WDFY4: variants seen among roughly 807,000 people sequenced by gnomAD.
WDFY4 encodes the protein WDFY family member 4, also known as WD repeat- and FYVE domain-containing protein 4.
In WDFY4, 169 loss-of-function variants were observed where a neutral mutation model predicts 351.9. That is an observed-to-expected ratio of 0.48 (90% confidence interval 0.42 to 0.55). The LOEUF (loss-of-function observed/expected upper bound fraction) is 0.55, where lower values mean the gene tolerates loss of function less well. Ranked by LOEUF, WDFY4 falls within the 20% of genes least tolerant of loss-of-function variation. The pLI is 0.00. For missense variants in WDFY4, 3,803 were observed against 3,935.6 expected (o/e 0.97, Z 0.90); for synonymous variants, 1,622 against 1,574.6 (o/e 1.03, Z -0.71).
chr10:48,921,178 G>T (rs1352102973), intron 47 of WDFY4, among the ~76,000 whole-genome samples: 1 of 152,106 alleles, frequency 6.6e-6, no homozygotes. Context: ...TTTTGAAAAA[G>T]AATAATAGAG....
intron 58 of WDFY4, among the ~76,000 whole-genome samples, chr10:48,975,340 G>A (rs1225482233): frequency 3.3e-5 from 5 of 152,176 alleles, no homozygotes; most frequent in African/African-American, 1.2e-4. Flanking sequence ...GTTGGATGTG[G>A]CTGACTCATT....
chr10:48,941,245 C>T (rs945077948), intron 47 of WDFY4, among the ~76,000 whole-genome samples: 25 of 152,104 alleles, frequency 1.6e-4, no homozygotes, highest in South Asian at 1.2e-3. Flanking sequence ...ACCGGGTGTA[C>T]GATGTGATCC....
At chr10:48,757,506 A>T (rs745323926) in intron 12 of WDFY4, among the ~76,000 whole-genome samples, 22 of 152,052 alleles carry the variant, frequency 1.4e-4, no homozygotes, top group Non-Finnish European at 2.6e-4. Context: ...TATCTATATC[A>T]CAATATTTAA....
intron 47 of WDFY4, among the ~76,000 whole-genome samples, chr10:48,940,229 G>A (rs1840682176): frequency 6.6e-6 from 1 of 152,254 alleles, no homozygotes; most frequent in African/African-American, 2.4e-5. Flanking sequence ...CGCAGACACA[G>A]CAGGAGAACC....
intron 27 of WDFY4, among the ~76,000 whole-genome samples, chr10:48,807,015 G>A (rs543167791): frequency 1.1e-4 from 17 of 152,230 alleles, no homozygotes; most frequent in African/African-American, 3.4e-4. Context: ...AGATCAAGCC[G>A]CAAGAAATTA....
At position 48,788,689 on chromosome 10, in the gene WDFY4, C is replaced by T; in HGVS notation, c.3954+14C>T. 1 of 1,551,040 alleles carries T rather than the reference C, an allele frequency of 6.4e-7. No homozygotes were observed. The highest frequency in any genetic ancestry group is 2.4e-5 in the East Asian group (1 of 40,912). ...ATCGCCAAAGAGGTACATCTTCTAA[C>T]TTCGCTGCTAATCTCTGTTGGAATC... On this transcript the variant is annotated intron_variant, in intron 21 of 61. Coordinates refer to ENST00000325239, the MANE Select transcript of WDFY4 (RefSeq NM_001394531.1).
chr10:48,807,635 G>A (rs1441442711), intron 27 of WDFY4, among the ~76,000 whole-genome samples: 1 of 152,178 alleles, frequency 6.6e-6, no homozygotes, highest in Non-Finnish European at 1.5e-5. Flanking sequence ...TTTGGAAGAT[G>A]TGCAGCATTG....
chr10:48,856,742 T>C (rs1346804096), intron 39 of WDFY4, among the ~76,000 whole-genome samples: 1 of 152,196 alleles, frequency 6.6e-6, no homozygotes, highest in East Asian at 1.9e-4. Flanking sequence ...TTTTGTAACA[T>C]GCATTAGAAC....
chr10:48,915,631 C>A (rs1233436684), intron 47 of WDFY4, among the ~76,000 whole-genome samples: 1 of 152,074 alleles, frequency 6.6e-6, no homozygotes. Flanking sequence ...GTATGTTTTC[C>A]TCACCCAGTG....
chr10:48,917,136 T>C (rs187833962), intron 47 of WDFY4, among the ~76,000 whole-genome samples: 2 of 152,316 alleles, frequency 1.3e-5, no homozygotes, highest in East Asian at 3.9e-4. Context: ...CCTAGGTCTA[T>C]AGTAGGCTAT....
At chr10:48,920,622 CT>C (rs1838986903) in intron 47 of WDFY4, among the ~76,000 whole-genome samples, 1 of 152,186 alleles carries the variant, frequency 6.6e-6, no homozygotes, top group Non-Finnish European at 1.5e-5. Context: ...AGAGAGCACA[CT>C]TTCACTATGT....
At chr10:48,729,833 A>C (rs1400646757) in intron 8 of WDFY4, among the ~76,000 whole-genome samples, 1 of 152,146 alleles carries the variant, frequency 6.6e-6, no homozygotes, top group Admixed American at 6.5e-5. Context: ...CCCTGGGGTG[A>C]TTTACTCTGC....
chr10:48,907,423 A>G (rs1281892326), intron 47 of WDFY4, among the ~76,000 whole-genome samples: 2 of 152,228 alleles, frequency 1.3e-5, no homozygotes, highest in Non-Finnish European at 2.9e-5. Context: ...TGCAGTTCCT[A>G]AAATCATTCT....
intron 39 of WDFY4, among the ~76,000 whole-genome samples, chr10:48,835,048 T>C (rs1311528978): frequency 6.6e-6 from 1 of 152,214 alleles, no homozygotes; most frequent in African/African-American, 2.4e-5. Context: ...GTCTTCTATA[T>C]CCATTGAGGT....
intron 13 of WDFY4, among the ~76,000 whole-genome samples, chr10:48,765,882 A>G (rs540022579): frequency 1.3e-5 from 2 of 152,256 alleles, no homozygotes; most frequent in African/African-American, 4.8e-5. Context: ...GGAAGCCTCC[A>G]GAACAGCCTG....
chr10:48,726,080 G>A lies in WDFY4; in HGVS notation c.781+10G>A, dbSNP rs1285664774. ...ATCCAGTACCTGCAGGGTATGGCCC[G>A]GGAAATTAGATGTGGGCTGTGGGCC... On this transcript the variant is annotated intron_variant, in intron 6 of 61. Coordinates refer to ENST00000325239, the MANE Select transcript of WDFY4 (RefSeq NM_001394531.1). The A allele has an allele frequency of 2.5e-5, 39 of 1,532,278 alleles. No homozygotes were observed. The highest frequency in any genetic ancestry group is 1.9e-4 in the Middle Eastern group (1 of 5,336). 94.9% of individuals were successfully genotyped at this position (1,532,278 alleles called of 1,614,324 possible). A position where few individuals can be genotyped will look rare whatever the true frequency, so the allele number is the denominator to read the frequency against.
chr10:48,976,801 C>T lies in WDFY4; in HGVS notation c.9113C>T (p.Thr3038Ile). Residue 3038 changes from threonine (T) to isoleucine (I), a missense_variant, in exon 59 of 62, where the codon ACC becomes ATC. Around this residue, in one of 3 missense-constraint regions of WDFY4, gnomAD observed 3,054 missense variants for 3,148.6 expected, o/e 0.97. Coordinates refer to ENST00000325239, the MANE Select transcript of WDFY4 (RefSeq NM_001394531.1). The stretch of plus-strand genomic sequence containing the variant: ...ATGCCAGCTCTCACTGCACAGGGCA[C>T]CATTGTCTCCTGTGCGGGAGCACAC... The part of the protein sequence containing the change: ...SAITISDVSG[T>I]IVSCAGAHLS... 6.9e-6 allele frequency: 10 copies of T among 1,452,908 alleles called. No individual in the cohort carries two copies. Among genetic ancestry groups the T allele is most frequent in the Non-Finnish European group, 9.1e-6 (10 of 1,093,482 alleles). The allele number at this position is 1,452,908 out of a possible 1,614,324, so 90.0% of individuals were successfully genotyped here. A position where few individuals can be genotyped will look rare whatever the true frequency, so the allele number is the denominator to read the frequency against.
chr10:48,766,047 AATAGCCCTGG>A (rs1322274723), intron 13 of WDFY4, among the ~76,000 whole-genome samples: 58 of 152,258 alleles, frequency 3.8e-4, no homozygotes, highest in Admixed American at 5.2e-4. Flanking sequence ...TGACAGCACT[AATAGCCCTGG>A]ATAGCATTGC....
chr10:48,720,620 A>G (rs1013386649), intron 3 of WDFY4, among the ~76,000 whole-genome samples: 1 of 152,036 alleles, frequency 6.6e-6, no homozygotes, highest in African/African-American at 2.4e-5. Context: ...AGATATACAC[A>G]TAGGCACACA....
Sources: gnomAD v4.1 joint callset for allele counts (sites outside exome capture counted in the v4.1 genomes callset) on GRCh38, gnomAD v4.1.1 for gene constraint, gnomAD v4.1.1 regional missense constraint, MANE v1.5 for transcripts, NCBI Gene and HGNC (gene_info 2026-07-23, HGNC 2026-07-21) for gene names.